REV1: variants seen among roughly 807,000 people sequenced by gnomAD.
The protein encoded by REV1 is translesion synthesis protein REV1.
REV1 carries 42 observed loss-of-function variants against 137.4 expected under a neutral mutation model. The observed-to-expected ratio is 0.31, with a 90% confidence interval of 0.24 to 0.40. The LOEUF is 0.40. Among genes scored for constraint, REV1 ranks in the 10% least tolerant of loss-of-function variants. REV1 has a pLI of 1.00. For synonymous variants in REV1, 524 were observed against 519.2 expected (o/e 1.01, Z -0.12); for missense variants, 1,282 against 1,490.1 (o/e 0.86, Z 2.30).
intron 4 of REV1, among the ~76,000 whole-genome samples, chr2:99,447,718 T>G (rs9973846): frequency 1.3e-5 from 2 of 149,800 alleles, no homozygotes; most frequent in Non-Finnish European, 3.0e-5. Context: ...TGCATAAAGT[T>G]TTTTTTTTTT....
chr2:99,402,565 T>G, intron 21 of REV1, 79 bp downstream of exon 21: 1 of 1,363,774 alleles, frequency 7.3e-7, no homozygotes, highest in Non-Finnish European at 1.0e-6. Context: ...TAAATCTGCA[T>G]AGTTTAGTCT....
At chr2:99,429,025 C>G (rs1679772399) in intron 9 of REV1, among the ~76,000 whole-genome samples, 1 of 146,024 alleles carries the variant, frequency 6.8e-6, no homozygotes, top group African/African-American at 2.5e-5. Context: ...TGTAACTGAT[C>G]TAAGACTCTG....
intron 1 of REV1, among the ~76,000 whole-genome samples, chr2:99,468,121 G>C (rs938139781): frequency 1.3e-5 from 2 of 151,692 alleles, no homozygotes; most frequent in African/African-American, 2.4e-5. Context: ...CGGAGGTTGC[G>C]GTGAGCCGAG....
chr2:99,462,378 T>G, intron 3 of REV1, 118 bp downstream of exon 3: 1 of 958,834 alleles, frequency 1.0e-6, no homozygotes, highest in Non-Finnish European at 1.5e-6. Flanking sequence ...GATTTATTTC[T>G]TCTCATCTTA....
chr2:99,470,926 T>C (rs892144328), intron 1 of REV1, among the ~76,000 whole-genome samples: 1 of 152,250 alleles, frequency 6.6e-6, no homozygotes, highest in Non-Finnish European at 1.5e-5. Context: ...GCTACTTCTT[T>C]ACAGCACCAG....
chr2:99,486,528 CAAA>C (rs36112989), intron 1 of REV1, among the ~76,000 whole-genome samples: 5 of 145,862 alleles, frequency 3.4e-5, no homozygotes, highest in South Asian at 4.3e-4. Flanking sequence ...GACTCCATCT[CAAA>C]AAAAAAAAAA....
rs567483877 is a variant in REV1 at position 99,430,159 on chromosome 2, T to C, written c.1439-211A>G. On this transcript the variant is annotated intron_variant, in intron 8 of 22. Transcript: ENST00000258428. Reference sequence around the variant, plus strand: ...TTCTTCATCAGCAGATAAAAACTTATAATAAATTCAAAGTGTCCTGGGAGG... The same window carrying C: ...TTCTTCATCAGCAGATAAAAACTTACAATAAATTCAAAGTGTCCTGGGAGG... Among the ~76,000 whole-genome samples, 9 of 152,146 alleles carry C rather than the reference T, an allele frequency of 5.9e-5. No individual in the cohort carries two copies. In the East Asian group the frequency reaches 7.7e-4, roughly 13 times the overall value.
At chr2:99,461,316 C>G (rs1684165741) in intron 3 of REV1, among the ~76,000 whole-genome samples, 1 of 152,150 alleles carries the variant, frequency 6.6e-6, no homozygotes, top group African/African-American at 2.4e-5. Flanking sequence ...TGATTGTGTC[C>G]AGTCACTGTA....
At chr2:99,408,198 T>C (rs1676611522) in intron 14 of REV1, 67 bp from the exon 15 acceptor site, 14 of 835,544 alleles carry the variant, frequency 1.7e-5, no homozygotes, top group South Asian at 1.6e-4. Flanking sequence ...TAAAGTAGTA[T>C]GGAACTGTTT....
intron 3 of REV1, among the ~76,000 whole-genome samples, chr2:99,453,262 G>A (rs1441271449): frequency 2.6e-5 from 4 of 151,900 alleles, no homozygotes; most frequent in African/African-American, 9.7e-5. Context: ...AGGAGGCTGA[G>A]GCAGCAGAAT....
At chr2:99,456,988 C>T (rs1211210919) in intron 3 of REV1, among the ~76,000 whole-genome samples, 2 of 152,152 alleles carry the variant, frequency 1.3e-5, no homozygotes, top group Non-Finnish European at 2.9e-5. Context: ...ATGTCTTTCT[C>T]CATTTTCATT....
intron 1 of REV1, among the ~76,000 whole-genome samples, chr2:99,470,931 C>T (rs953117289): frequency 2.0e-5 from 3 of 152,198 alleles, no homozygotes; most frequent in African/African-American, 7.2e-5. Flanking sequence ...TTCTTTACAG[C>T]ACCAGGGAAC....
chr2:99,436,571 T>A (rs1680780579), intron 6 of REV1: 1 of 152,592 alleles, frequency 6.6e-6, no homozygotes, highest in Admixed American at 6.5e-5. Flanking sequence ...TTTATCCTTA[T>A]GCCATTAAAT....
rs758462969 is a variant in REV1, at chr2:99,412,961, G to A, written c.1952-10C>T. On this transcript the variant is annotated splice_polypyrimidine_tract_variant and intron_variant, in intron 12 of 22. Coordinates refer to ENST00000258428, the MANE Select transcript of REV1 (RefSeq NM_016316.4). ...ATTGAATGTCCAACTCCTAGGAAAG[G>A]GAATATAGTTAAGTATGCAGAATAA... 29 of 1,589,730 alleles carry A rather than the reference G, an allele frequency of 1.8e-5. No individual in the cohort carries two copies. In the Admixed American group the frequency reaches 4.7e-4, roughly 26 times the overall value.
At chr2:99,415,710 G>A (rs1677762944) in intron 12 of REV1, among the ~76,000 whole-genome samples, 1 of 152,220 alleles carries the variant, frequency 6.6e-6, no homozygotes, top group African/African-American at 2.4e-5. Context: ...TACTGTATTA[G>A]TGCAGACTTT....
chr2:99,408,213 G>A (rs561248039), intron 14 of REV1, 82 bp from the exon 15 acceptor site: 23 of 695,452 alleles, frequency 3.3e-5, no homozygotes, highest in Non-Finnish European at 5.0e-5. Context: ...CTGTTTAAAA[G>A]AGTTATAGAA....
intron 10 of REV1, among the ~76,000 whole-genome samples, chr2:99,422,204 G>A (rs981789040): frequency 5.9e-5 from 9 of 152,108 alleles, no homozygotes; most frequent in African/African-American, 2.2e-4. Context: ...TCTGAGAATA[G>A]TTATCTACAC....
intron 3 of REV1, among the ~76,000 whole-genome samples, chr2:99,461,157 T>C (rs1684147383): frequency 6.6e-6 from 1 of 152,248 alleles, no homozygotes; most frequent in Non-Finnish European, 1.5e-5. Context: ...CACCAGCATT[T>C]ATTTTGAGAT....
chr2:99,453,892 C>CAAAA (rs58291328), intron 3 of REV1, among the ~76,000 whole-genome samples: 545 of 47,928 alleles, frequency 0.011, 23 homozygotes, highest in African/African-American at 0.037. Flanking sequence ...GGCTCTGTCT[C>CAAAA]AAAAAAAAAA....
Sources: gnomAD v4.1 joint callset for allele counts (sites outside exome capture counted in the v4.1 genomes callset) on GRCh38, gnomAD v4.1.1 for gene constraint, MANE v1.5 for transcripts, NCBI Gene and HGNC (gene_info 2026-07-23, HGNC 2026-07-21) for gene names.